PAPPA: variants seen among roughly 807,000 people sequenced by gnomAD.
The protein encoded by PAPPA is pappalysin 1.
PAPPA carries 60 observed loss-of-function variants against 164.0 expected under a neutral mutation model. That is an observed-to-expected ratio of 0.37 (90% CI 0.30 to 0.45). The LOEUF is 0.45. PAPPA is among the 20% of genes least tolerant of loss of function. The pLI, the probability that PAPPA is intolerant of heterozygous loss-of-function variation, is 1.00. For synonymous variants in PAPPA, 875 were observed against 814.1 expected, an observed-to-expected ratio of 1.07 and a Z score of -1.27; for missense variants, 1,782 against 2,087.3, an observed-to-expected ratio of 0.85 and a Z score of 2.85.
intron 5 of PAPPA, among the ~76,000 whole-genome samples, chr9:116,220,907 C>T (rs1005271739): frequency 2.0e-5 from 3 of 151,354 alleles, no homozygotes; most frequent in Non-Finnish European, 4.4e-5. Context: ...AAAAAGAATG[C>T]ATATACATAT....
chr9:116,400,730 C>G lies in PAPPA; in HGVS notation c.*4114C>G, dbSNP rs1375527979. On this transcript the variant is annotated 3_prime_UTR_variant, in exon 22 of 22. Coordinates refer to ENST00000328252, the MANE Select transcript of PAPPA (RefSeq NM_002581.5). The stretch of plus-strand genomic sequence containing the variant: ...AATGAATAAAAGCCTGTTCTTGTAA[C>G]TTATTCAACTTTTGCCAAATTCCTA... The G allele has an allele frequency of 6.6e-6, 1 of 152,282 alleles. No homozygotes were observed. The highest frequency in any genetic ancestry group is 1.5e-5 in the Non-Finnish European group (1 of 68,044). The allele number at this position is 152,282 out of a possible 1,614,324, so 9.4% of individuals were successfully genotyped here.
chr9:116,180,270 C>T (rs1843888050), intron 1 of PAPPA, among the ~76,000 whole-genome samples: 1 of 152,006 alleles, frequency 6.6e-6, no homozygotes, highest in Admixed American at 6.6e-5. Context: ...CAGACCTAGA[C>T]ATTAGAGCCT....
intron 9 of PAPPA, among the ~76,000 whole-genome samples, chr9:116,277,948 G>A (rs1053398245): frequency 1.3e-5 from 2 of 151,984 alleles, no homozygotes; most frequent in South Asian, 2.1e-4. Flanking sequence ...GATTACAGGC[G>A]TGAGCCACCG....
At chr9:116,281,175 T>C (rs1488451737) in intron 9 of PAPPA, among the ~76,000 whole-genome samples, 1 of 152,200 alleles carries the variant, frequency 6.6e-6, no homozygotes, top group Non-Finnish European at 1.5e-5. Flanking sequence ...GGACTTTATA[T>C]AAGGGTCTTG....
At chr9:116,170,622 T>TC (rs1843765720) in intron 1 of PAPPA, among the ~76,000 whole-genome samples, 1 of 130,974 alleles carries the variant, frequency 7.6e-6, no homozygotes, top group South Asian at 2.9e-4. Flanking sequence ...CCCCCTTATC[T>TC]CCCCCCACTC....
intron 8 of PAPPA, among the ~76,000 whole-genome samples, chr9:116,269,217 C>T (rs1845109883): frequency 6.6e-6 from 1 of 152,184 alleles, no homozygotes; most frequent in African/African-American, 2.4e-5. Flanking sequence ...TAATACTTTA[C>T]GGATAAACAA....
rs1052064437 is a variant in PAPPA, at chr9:116,398,680, G to C, written c.*2064G>C. 2 of 513,460 alleles carry C rather than the reference G, an allele frequency of 3.9e-6. No individual in the cohort carries two copies. The highest frequency in any genetic ancestry group is 2.3e-5 in the Admixed American group (1 of 42,618). 31.8% of individuals were successfully genotyped at this position (513,460 alleles called of 1,614,324 possible). On this transcript the variant is annotated 3_prime_UTR_variant, in exon 22 of 22. Transcript: ENST00000328252. ...GATGCAGTGCTGAGATAGTTTATGA[G>C]ACTTGTACCATTTCACAAACTCTGA...
At chr9:116,233,318 G>A (rs1046900237) in intron 6 of PAPPA, among the ~76,000 whole-genome samples, 5 of 152,208 alleles carry the variant, frequency 3.3e-5, no homozygotes, top group African/African-American at 1.2e-4. Flanking sequence ...ATACTGTAAA[G>A]TGCTGCCTTC....
At chr9:116,197,454 A>C (rs2118652807) in intron 2 of PAPPA, among the ~76,000 whole-genome samples, 1 of 152,352 alleles carries the variant, frequency 6.6e-6, no homozygotes, top group East Asian at 1.9e-4. Context: ...AAGTCCCAGC[A>C]GTGGCCTTGT....
At chr9:116,387,039 A>G (rs1269074315) in intron 21 of PAPPA, among the ~76,000 whole-genome samples, 3 of 152,046 alleles carry the variant, frequency 2.0e-5, no homozygotes, top group Admixed American at 6.6e-5. Flanking sequence ...GTCCCATATC[A>G]AGAGACAATC....
chr9:116,286,966 C>T (rs545151399), intron 9 of PAPPA: 2 of 152,254 alleles, frequency 1.3e-5, no homozygotes, highest in East Asian at 3.9e-4. Flanking sequence ...GTTGTGATCA[C>T]AGCTCCATCA....
At chr9:116,309,506 A>T (rs1356491072) in intron 10 of PAPPA, among the ~76,000 whole-genome samples, 2 of 152,212 alleles carry the variant, frequency 1.3e-5, no homozygotes, top group Non-Finnish European at 2.9e-5. Flanking sequence ...GGATACAAGG[A>T]TAAGAAATCT....
intron 10 of PAPPA, among the ~76,000 whole-genome samples, chr9:116,330,120 TA>T (rs1385927099): frequency 6.6e-6 from 1 of 152,170 alleles, no homozygotes; most frequent in African/African-American, 2.4e-5. Context: ...AGGTCAGCCG[TA>T]CTTTTCGGAT....
chr9:116,361,305 G>A (rs915752454), intron 17 of PAPPA, among the ~76,000 whole-genome samples: 1 of 152,102 alleles, frequency 6.6e-6, no homozygotes, highest in Non-Finnish European at 1.5e-5. Context: ...TATATAGCTT[G>A]TTCTTAGATC....
At chr9:116,342,577 G>C (rs1430733683) in intron 13 of PAPPA, among the ~76,000 whole-genome samples, 1 of 152,106 alleles carries the variant, frequency 6.6e-6, no homozygotes, top group Non-Finnish European at 1.5e-5. Context: ...CTATACTTTT[G>C]AGCAGAGGGT....
chr9:116,338,496 C>G (rs1846092993), intron 13 of PAPPA, among the ~76,000 whole-genome samples: 1 of 152,130 alleles, frequency 6.6e-6, no homozygotes, highest in Non-Finnish European at 1.5e-5. Context: ...TGATGAGACC[C>G]CATGTGTAGA....
At chr9:116,179,705 C>A (rs534214481) in intron 1 of PAPPA, among the ~76,000 whole-genome samples, 20 of 152,204 alleles carry the variant, frequency 1.3e-4, no homozygotes, top group South Asian at 2.1e-4. Flanking sequence ...GGGTCTCCCC[C>A]CCGACTGAAC....
chr9:116,373,421 A>G (rs1169536267), intron 19 of PAPPA: 1 of 152,118 alleles, frequency 6.6e-6, no homozygotes, highest in Non-Finnish European at 1.5e-5. Flanking sequence ...AAAGCAAATA[A>G]TTAATAATAA....
chr9:116,389,880 T>C (rs1846867611), intron 21 of PAPPA, among the ~76,000 whole-genome samples: 1 of 152,178 alleles, frequency 6.6e-6, no homozygotes, highest in African/African-American at 2.4e-5. Flanking sequence ...TATTTATTAT[T>C]TATGATCAGA....
Sources: allele counts gnomAD v4.1 joint callset (sites outside exome capture counted in the v4.1 genomes callset), GRCh38; gene constraint gnomAD v4.1.1; transcripts MANE v1.5; gene names NCBI Gene and HGNC (gene_info 2026-07-23, HGNC 2026-07-21).